ALG14: variants seen among roughly 807,000 people sequenced by gnomAD.
The protein encoded by ALG14 is ALG14 UDP-N-acetylglucosaminyltransferase subunit, also known as UDP-N-acetylglucosamine transferase subunit ALG14.
ALG14 carries 17 observed loss-of-function variants against 22.8 expected under a neutral mutation model. The ratio of observed to expected loss-of-function variants is 0.75; its 90% CI spans 0.51 to 1.12. ALG14 has a LOEUF of 1.12. Among genes scored for constraint, ALG14 ranks in the 50% most tolerant of loss-of-function variants. The pLI, the probability that ALG14 is intolerant of heterozygous loss-of-function variation, is 0.00. For missense variants in ALG14, 288 were observed against 271.8 expected, an observed-to-expected ratio of 1.06 and a Z score of -0.42; for synonymous variants, 89 against 103.7, an observed-to-expected ratio of 0.86 and a Z score of 0.86.
chr1:95,016,361 G>C (rs1673493281), intron 3 of ALG14, among the ~76,000 whole-genome samples: 1 of 151,866 alleles, frequency 6.6e-6, no homozygotes, highest in African/African-American at 2.4e-5. Flanking sequence ...TTAAAAATAG[G>C]GTATATAATT....
chr1:95,041,697 T>C, intron 2 of ALG14: 1 of 150,790 alleles, frequency 6.6e-6, no homozygotes, highest in East Asian at 1.9e-4. Context: ...TAACAACAAA[T>C]ACACTCAATG....
intron 1 of ALG14, among the ~76,000 whole-genome samples, chr1:95,069,514 C>T (rs1395020105): frequency 6.6e-6 from 1 of 152,130 alleles, no homozygotes; most frequent in Non-Finnish European, 1.5e-5. Flanking sequence ...GCTTCCTGAC[C>T]TTTGTGTTGA....
chr1:94,991,862 T>TA (rs398103044), intron 3 of ALG14, among the ~76,000 whole-genome samples: 5 of 151,988 alleles, frequency 3.3e-5, no homozygotes, highest in African/African-American at 9.7e-5. Flanking sequence ...TCTTTTTTTT[T>TA]AACTTTTAAG....
chr1:95,060,132 AC>A (rs2100831590), intron 2 of ALG14, among the ~76,000 whole-genome samples: 1 of 1,400 alleles, frequency 7.1e-4, no homozygotes, highest in African/African-American at 2.6e-3. Flanking sequence ...ACACACAAAC[AC>A]ACACACACAC....
intron 3 of ALG14, among the ~76,000 whole-genome samples, chr1:95,003,574 T>C (rs1327580451): frequency 1.3e-5 from 2 of 151,718 alleles, no homozygotes; most frequent in African/African-American, 2.4e-5. Context: ...CTCCACCTCC[T>C]GAGTAGCTGA....
At chr1:95,022,737 T>C (rs1486245323) in intron 3 of ALG14, among the ~76,000 whole-genome samples, 1 of 152,202 alleles carries the variant, frequency 6.6e-6, no homozygotes, top group African/African-American at 2.4e-5. Context: ...TTGGAAAACC[T>C]TACTCTCACT....
At position 94,981,593 on chromosome 1, in the gene ALG14, AT is replaced by A. The variant is rs1672494033; in HGVS notation, c.*1482del. 6.6e-6 allele frequency: 1 copy of A among 151,360 alleles called. No homozygotes were observed. Among genetic ancestry groups the A allele is most frequent in the African/African-American group, 2.4e-5 (1 of 41,284 alleles). 9.4% of individuals were successfully genotyped at this position (151,360 alleles called of 1,614,324 possible). On this transcript the variant is annotated 3_prime_UTR_variant, in exon 4 of 4. Coordinates refer to ENST00000370205, the MANE Select transcript of ALG14 (RefSeq NM_144988.4). ...ACTAATCACTATTTATTAGATTTAT[AT>A]CATACTTATAAAGCAAAAGATTTAA...
At chr1:94,995,819 A>G (rs1431347662) in intron 3 of ALG14, among the ~76,000 whole-genome samples, 1 of 152,232 alleles carries the variant, frequency 6.6e-6, no homozygotes, top group Non-Finnish European at 1.5e-5. Flanking sequence ...TCAGGCTTTC[A>G]AAGGTTGTTT....
At chr1:95,037,325 C>T (rs553227198) in intron 2 of ALG14, among the ~76,000 whole-genome samples, 1 of 152,258 alleles carries the variant, frequency 6.6e-6, no homozygotes, top group South Asian at 2.1e-4. Context: ...TTCCTGGCTA[C>T]AATGATTAGC....
rs1250870242 is a variant in ALG14 at position 94,990,534 on chromosome 1, T to C, written c.421-7228A>G. Reference sequence around the variant, plus strand: ...AACAGAATTTTCAGAGATGTCATCATTGTGTATACAGCATTTTGGGGTCTA... The same window carrying C: ...AACAGAATTTTCAGAGATGTCATCACTGTGTATACAGCATTTTGGGGTCTA... On this transcript the variant is annotated intron_variant, in intron 3 of 3. Coordinates refer to ENST00000370205, the MANE Select transcript of ALG14 (RefSeq NM_144988.4). 2.0e-5 allele frequency among the ~76,000 whole-genome samples: 3 copies of C among 152,208 alleles called. No homozygotes were observed. In the East Asian group the frequency reaches 5.8e-4, roughly 29 times the overall value.
intron 2 of ALG14, among the ~76,000 whole-genome samples, chr1:95,057,863 T>C (rs1385756082): frequency 1.3e-5 from 2 of 151,818 alleles, no homozygotes; most frequent in African/African-American, 4.8e-5. Flanking sequence ...GGATCAAACA[T>C]CTTTTCTGGA....
chr1:95,046,823 C>T (rs527905494), intron 2 of ALG14, among the ~76,000 whole-genome samples: 41 of 152,192 alleles, frequency 2.7e-4, no homozygotes, highest in African/African-American at 9.2e-4. Context: ...GCAGTCTAGG[C>T]GCAGTGGCTT....
Position 95,049,443 on chromosome 1 carries a change from G to A in ALG14, c.288+15423C>T, listed in dbSNP as rs145055754. ...CCAGCTACTCAGGAGACTGAGGTGGGAGAATTGCTTGAGCTTAGGAGCCAG... is the reference window on the plus strand; with the variant it reads ...CCAGCTACTCAGGAGACTGAGGTGGAAGAATTGCTTGAGCTTAGGAGCCAG... On this transcript the variant is annotated intron_variant, in intron 2 of 3. Coordinates refer to ENST00000370205, the MANE Select transcript of ALG14 (RefSeq NM_144988.4). Among the ~76,000 whole-genome samples the A allele has an allele frequency of 6.5e-3, 992 of 152,204 alleles. 4 individuals carry two copies. Among genetic ancestry groups the A allele is most frequent in the Non-Finnish European group, 9.5e-3 (643 of 68,020 alleles).
At chr1:95,038,257 G>T (rs979377910) in intron 2 of ALG14, among the ~76,000 whole-genome samples, 4 of 152,218 alleles carry the variant, frequency 2.6e-5, no homozygotes, top group Admixed American at 6.5e-5. Context: ...GGAGGCCGAG[G>T]TGTTTGGATC....
chr1:95,039,475 G>C lies in ALG14; in HGVS notation c.289-12215C>G, dbSNP rs534035312. Reference sequence around the variant, plus strand: ...GTGAGAAGGGAGATTTAGGACGCTGGAGAGTTTGGGATAACTCTCAGGTTT... The same window carrying C: ...GTGAGAAGGGAGATTTAGGACGCTGCAGAGTTTGGGATAACTCTCAGGTTT... On this transcript the variant is annotated intron_variant, in intron 2 of 3. Coordinates refer to ENST00000370205, the MANE Select transcript of ALG14 (RefSeq NM_144988.4). 1.8e-4 allele frequency among the ~76,000 whole-genome samples: 28 copies of C among 152,192 alleles called. No homozygotes were observed. In the South Asian group the frequency reaches 4.6e-3, roughly 25 times the overall value.
chr1:95,002,790 T>A (rs1187739785), intron 3 of ALG14, among the ~76,000 whole-genome samples: 1 of 152,192 alleles, frequency 6.6e-6, no homozygotes, highest in Non-Finnish European at 1.5e-5. Flanking sequence ...CAGGACTCTG[T>A]AATTGCTTTT....
rs556978958 is a variant in ALG14 at position 94,980,551 on chromosome 1, T to C, written c.*2525A>G. ...AGGGACAAGCTAGCTACTCATCTTC[T>C]TCAGTTTGAGTTGGGACTGGCGCAC... On this transcript the variant is annotated 3_prime_UTR_variant, in exon 4 of 4. Coordinates refer to ENST00000370205, the MANE Select transcript of ALG14 (RefSeq NM_144988.4). 2 of 152,342 alleles carry C rather than the reference T, an allele frequency of 1.3e-5. No homozygotes were observed. Among genetic ancestry groups the C allele is most frequent in the Admixed American group, 6.5e-5 (1 of 15,308 alleles). The allele number at this position is 152,342 out of a possible 1,614,324, so 9.4% of individuals were successfully genotyped here.
intron 3 of ALG14, among the ~76,000 whole-genome samples, chr1:95,025,605 T>C (rs774163331): frequency 6.6e-6 from 1 of 152,256 alleles, no homozygotes; most frequent in African/African-American, 2.4e-5. Flanking sequence ...GTAGCCACCT[T>C]AATCAATTAT....
chr1:95,018,557 AAG>A (rs1459749230), intron 3 of ALG14, among the ~76,000 whole-genome samples: 37 of 152,010 alleles, frequency 2.4e-4, no homozygotes, highest in African/African-American at 8.9e-4. Context: ...AAAAAGACAA[AAG>A]AAAAAAGAAA....
Sources: gnomAD v4.1 joint callset for allele counts (sites outside exome capture counted in the v4.1 genomes callset) on GRCh38, gnomAD v4.1.1 for gene constraint, MANE v1.5 for transcripts, NCBI Gene and HGNC (gene_info 2026-07-23, HGNC 2026-07-21) for gene names.